The following TCERG1L variants were observed in gnomAD, a reference collection of about 807,000 sequenced individuals.
TCERG1L encodes the protein transcription elongation regulator 1-like protein.
Under a neutral mutation model 56.3 loss-of-function variants are expected in TCERG1L, and 37 were observed. The observed-to-expected ratio is 0.66, with a 90% CI of 0.51 to 0.87. TCERG1L has a LOEUF of 0.87. Ranked by LOEUF, TCERG1L falls within the 40% of genes least tolerant of loss-of-function variation. The pLI is 0.00. For synonymous variants in TCERG1L, 324 were observed against 326.3 expected, an observed-to-expected ratio of 0.99 and a Z score of 0.08; for missense variants, 799 against 774.2, an observed-to-expected ratio of 1.03 and a Z score of -0.38.
At chr10:131,162,402 G>A in intron 6 of TCERG1L, 1 of 152,410 alleles carries the variant, frequency 6.6e-6, no homozygotes, top group Non-Finnish European at 1.5e-5. Flanking sequence ...CCAGGGCATG[G>A]CACAGCAGGC....
intron 8 of TCERG1L, among the ~76,000 whole-genome samples, chr10:131,131,077 A>G (rs1453438223): frequency 1.3e-5 from 2 of 152,210 alleles, no homozygotes; most frequent in Non-Finnish European, 2.9e-5. Context: ...CCACAGCCGC[A>G]CAAAACAATC....
intron 3 of TCERG1L, among the ~76,000 whole-genome samples, chr10:131,281,875 G>A (rs1293999531): frequency 1.3e-5 from 2 of 152,146 alleles, no homozygotes; most frequent in Non-Finnish European, 2.9e-5. Context: ...GGTGGCTCAC[G>A]CCTGTAATCC....
chr10:131,165,527 A>C (rs541894869), intron 5 of TCERG1L, among the ~76,000 whole-genome samples: 1 of 152,368 alleles, frequency 6.6e-6, no homozygotes, highest in South Asian at 2.1e-4. Context: ...AGGATAAATA[A>C]TTGGCATAAC....
chr10:131,117,280 G>A (rs1047606586), intron 8 of TCERG1L, among the ~76,000 whole-genome samples: 6 of 152,212 alleles, frequency 3.9e-5, no homozygotes, highest in East Asian at 1.9e-4. Context: ...CACGGCCCAC[G>A]GCAGGGAAGC....
At chr10:131,140,259 C>T (rs1298677544) in intron 7 of TCERG1L, among the ~76,000 whole-genome samples, 1 of 152,176 alleles carries the variant, frequency 6.6e-6, no homozygotes, top group Non-Finnish European at 1.5e-5. Context: ...CCAGGCCTCT[C>T]ACCTCCGGTG....
chr10:131,251,066 C>T (rs1323462925), intron 4 of TCERG1L, among the ~76,000 whole-genome samples: 1 of 151,570 alleles, frequency 6.6e-6, no homozygotes, highest in Admixed American at 6.6e-5. Context: ...GCTCTCAGGC[C>T]GTGGGTCCGT....
chr10:131,143,097 G>A (rs538139622), intron 7 of TCERG1L, among the ~76,000 whole-genome samples: 19 of 152,310 alleles, frequency 1.2e-4, no homozygotes, highest in Middle Eastern at 6.8e-3. Context: ...TCTGCTCGAC[G>A]TCTGCCCTCC....
intron 3 of TCERG1L, among the ~76,000 whole-genome samples, chr10:131,281,836 G>A (rs1231587014): frequency 7.0e-6 from 1 of 142,064 alleles, no homozygotes; most frequent in Non-Finnish European, 1.6e-5. Flanking sequence ...GACTGCCTGA[G>A]ACCAATGAAA....
chr10:131,308,294 T>C lies in TCERG1L; in HGVS notation c.587A>G (p.Asn196Ser). ...HGHEKPRLLA[N>S]QVAVSLSRPA... Reference sequence around the variant, plus strand: ...CCTGGACAGAGACACAGCTACTTGATTTGCCAGCAAACGAGGCTTTTCATG... The same window carrying C: ...CCTGGACAGAGACACAGCTACTTGACTTGCCAGCAAACGAGGCTTTTCATG... Residue 196 changes from asparagine to serine, a missense_variant, in exon 3 of 12, where the codon AAT (asparagine) becomes AGT (serine). Coordinates refer to ENST00000368642, the MANE Select transcript of TCERG1L (RefSeq NM_174937.4). 1.2e-6 allele frequency: 2 copies of C among 1,613,982 alleles called. No homozygotes were observed. Among genetic ancestry groups the C allele is most frequent in the South Asian group, 2.2e-5 (2 of 91,078 alleles).
At chr10:131,203,693 G>C (rs1187436445) in intron 4 of TCERG1L, among the ~76,000 whole-genome samples, 1 of 152,222 alleles carries the variant, frequency 6.6e-6, no homozygotes, top group African/African-American at 2.4e-5. Flanking sequence ...CCAGAGGCCA[G>C]TAGGGGCCGG....
intron 3 of TCERG1L, among the ~76,000 whole-genome samples, chr10:131,303,696 A>C (rs1185580998): frequency 6.6e-6 from 1 of 152,036 alleles, no homozygotes; most frequent in Non-Finnish European, 1.5e-5. Context: ...TATGCTTAAG[A>C]ATCTTTCTAT....
intron 4 of TCERG1L, among the ~76,000 whole-genome samples, chr10:131,206,760 C>G (rs569631474): frequency 1.6e-4 from 24 of 152,186 alleles, no homozygotes; most frequent in African/African-American, 5.8e-4. Context: ...AGTGATTTCC[C>G]AGGGATGTGG....
intron 4 of TCERG1L, among the ~76,000 whole-genome samples, chr10:131,236,972 T>C (rs1845919526): frequency 6.6e-6 from 1 of 152,078 alleles, no homozygotes; most frequent in South Asian, 2.1e-4. Context: ...CAGTCTCCCA[T>C]GGTGCCCCTT....
intron 7 of TCERG1L, among the ~76,000 whole-genome samples, chr10:131,141,849 C>T (rs78399397): frequency 0.026 from 4,002 of 152,246 alleles, 104 homozygotes; most frequent in African/African-American, 0.028. Flanking sequence ...CCCAGCCTCC[C>T]AGCTGAGGCC....
chr10:131,107,803 G>T (rs556014021), intron 9 of TCERG1L, among the ~76,000 whole-genome samples: 1 of 152,042 alleles, frequency 6.6e-6, no homozygotes, highest in African/African-American at 2.4e-5. Flanking sequence ...TACACATGCA[G>T]GTGCACACAC....
chr10:131,275,985 G>C (rs1241866324), intron 3 of TCERG1L, among the ~76,000 whole-genome samples: 1 of 152,170 alleles, frequency 6.6e-6, no homozygotes, highest in Non-Finnish European at 1.5e-5. Context: ...AGACATGCCT[G>C]CCTCCACCAC....
chr10:131,247,241 G>A (rs1846050306), intron 4 of TCERG1L, among the ~76,000 whole-genome samples: 1 of 152,178 alleles, frequency 6.6e-6, no homozygotes, highest in South Asian at 2.1e-4. Flanking sequence ...CCCTGTGCTG[G>A]GCAGACACAA....
At chr10:131,176,156 A>G (rs1846145415) in intron 4 of TCERG1L, among the ~76,000 whole-genome samples, 1 of 152,298 alleles carries the variant, frequency 6.6e-6, no homozygotes, top group African/African-American at 2.4e-5. Flanking sequence ...TGGGCTCAAG[A>G]CTGCTGTTAC....
chr10:131,194,259 C>G (rs1467188933), intron 4 of TCERG1L, among the ~76,000 whole-genome samples: 6 of 152,234 alleles, frequency 3.9e-5, no homozygotes, highest in East Asian at 1.9e-4. Flanking sequence ...AGGGAACAAA[C>G]AGATGTCACT....
Sources: gnomAD v4.1 joint callset for allele counts (sites outside exome capture counted in the v4.1 genomes callset) on GRCh38, gnomAD v4.1.1 for gene constraint, MANE v1.5 for transcripts, NCBI Gene and HGNC (gene_info 2026-07-23, HGNC 2026-07-21) for gene names.